CSMD1: variants seen among roughly 807,000 people sequenced by gnomAD.
The protein encoded by CSMD1 is CUB and sushi domain-containing protein 1.
A neutral mutation model predicts 417.5 loss-of-function variants in CSMD1; 213 were observed. The ratio of observed to expected loss-of-function variants is 0.51; its 90% CI spans 0.46 to 0.57. The LOEUF (loss-of-function observed/expected upper bound fraction) is 0.57. Ranked by LOEUF, CSMD1 falls within the 20% of genes least tolerant of loss-of-function variation. The pLI is 0.00. For synonymous variants in CSMD1, 2,862 were observed against 1,736.8 expected (o/e 1.65, Z -16.11); for missense variants, 6,923 against 4,529.7 (o/e 1.53, Z -15.17).
At chr8:3,037,123 C>T (rs895988845) in intron 50 of CSMD1, among the ~76,000 whole-genome samples, 4 of 152,212 alleles carry the variant, frequency 2.6e-5, no homozygotes, top group African/African-American at 9.6e-5. Flanking sequence ...TGGCCTCCAG[C>T]TCCATCCAAG....
At chr8:4,510,240 A>C (rs888343818) in intron 2 of CSMD1, among the ~76,000 whole-genome samples, 9 of 151,976 alleles carry the variant, frequency 5.9e-5, no homozygotes, top group Admixed American at 3.3e-4. Flanking sequence ...TGAGTCAATT[A>C]AACCTCTTTC....
At chr8:4,246,416 G>C (rs1802712298) in intron 3 of CSMD1, among the ~76,000 whole-genome samples, 1 of 152,140 alleles carries the variant, frequency 6.6e-6, no homozygotes. Flanking sequence ...TTCTTAATAA[G>C]TTGTAGAGAA....
intron 7 of CSMD1, among the ~76,000 whole-genome samples, chr8:3,625,832 A>G (rs1019846932): frequency 2.6e-5 from 4 of 152,088 alleles, no homozygotes; most frequent in Non-Finnish European, 5.9e-5. Context: ...TTATTTTTCT[A>G]TCAGAGGGAA....
intron 7 of CSMD1, among the ~76,000 whole-genome samples, chr8:3,640,555 T>G (rs1292821409): frequency 1.3e-5 from 2 of 152,228 alleles, no homozygotes; most frequent in East Asian, 3.8e-4. Flanking sequence ...TTTTTTCCAC[T>G]GGATTGGACA....
At chr8:3,860,305 A>G (rs1338503441) in intron 5 of CSMD1, among the ~76,000 whole-genome samples, 5 of 152,180 alleles carry the variant, frequency 3.3e-5, no homozygotes, top group Non-Finnish European at 7.3e-5. Flanking sequence ...CCATAAAAAC[A>G]AAGATCTTTT....
At chr8:3,645,395 G>T (rs2469410) in intron 7 of CSMD1, among the ~76,000 whole-genome samples, 134,484 of 152,272 alleles carry the variant, frequency 0.88, 59,817 homozygotes, top group African/African-American at 0.97. Context: ...GTTGAAGCTC[G>T]GCTTCGGGTG....
chr8:3,310,846 G>A (rs1162656741), intron 23 of CSMD1, among the ~76,000 whole-genome samples: 3 of 151,366 alleles, frequency 2.0e-5, no homozygotes, highest in Non-Finnish European at 3.0e-5. Flanking sequence ...AATGTGACCC[G>A]AACTTCTCGT....
intron 14 of CSMD1, among the ~76,000 whole-genome samples, chr8:3,407,690 G>C (rs12546181): frequency 0.012 from 1,861 of 152,286 alleles, 48 homozygotes; most frequent in East Asian, 0.094. Flanking sequence ...CTTAGTTTAG[G>C]AGTGATGAAG....
chr8:4,874,249 A>C (rs565961488), intron 1 of CSMD1, among the ~76,000 whole-genome samples: 3 of 152,116 alleles, frequency 2.0e-5, no homozygotes, highest in Admixed American at 1.3e-4. Context: ...GTTTTCATCA[A>C]ATTACGTGGG....
intron 38 of CSMD1, among the ~76,000 whole-genome samples, chr8:3,160,413 G>A (rs544843350): frequency 1.3e-5 from 2 of 152,312 alleles, no homozygotes; most frequent in South Asian, 4.1e-4. Flanking sequence ...GTGAGCCACT[G>A]CAACCGGCCT....
At chr8:3,199,253 C>G (rs182865044) in intron 33 of CSMD1, among the ~76,000 whole-genome samples, 84 of 152,028 alleles carry the variant, frequency 5.5e-4, no homozygotes, top group African/African-American at 1.8e-3. Flanking sequence ...GAGATGCATG[C>G]GTGATATTTT....
chr8:4,078,481 G>C (rs986994988), intron 3 of CSMD1, among the ~76,000 whole-genome samples: 1 of 151,664 alleles, frequency 6.6e-6, no homozygotes, highest in African/African-American at 2.4e-5. Flanking sequence ...AGCCAGGATG[G>C]TCTCGATCTC....
chr8:2,996,535 G>A (rs1455948480), intron 54 of CSMD1, among the ~76,000 whole-genome samples: 1 of 152,226 alleles, frequency 6.6e-6, no homozygotes, highest in Non-Finnish European at 1.5e-5. Context: ...AGTAAACTCA[G>A]CTCTGCTCCG....
At chr8:4,691,255 T>G (rs1346434899) in intron 1 of CSMD1, among the ~76,000 whole-genome samples, 10 of 152,142 alleles carry the variant, frequency 6.6e-5, no homozygotes, top group Non-Finnish European at 1.5e-4. Flanking sequence ...AGCCAACCTG[T>G]CAGCAGAATG....
chr8:3,536,487 G>C (rs547251156), intron 10 of CSMD1, among the ~76,000 whole-genome samples: 2 of 152,136 alleles, frequency 1.3e-5, no homozygotes, highest in African/African-American at 2.4e-5. Context: ...TTGATTAATG[G>C]GGATTATGTT....
At chr8:4,348,139 G>C (rs1428366683) in intron 3 of CSMD1, among the ~76,000 whole-genome samples, 1 of 152,182 alleles carries the variant, frequency 6.6e-6, no homozygotes, top group East Asian at 1.9e-4. Flanking sequence ...AAAGAGAGAA[G>C]ACCTTTTCGG....
intron 1 of CSMD1, among the ~76,000 whole-genome samples, chr8:4,879,072 T>C (rs914227422): frequency 6.6e-6 from 1 of 151,976 alleles, no homozygotes; most frequent in African/African-American, 2.4e-5. Context: ...CTTGATATTG[T>C]AGACACTAAG....
At chr8:4,752,195 C>G (rs1343957922) in intron 1 of CSMD1, among the ~76,000 whole-genome samples, 1 of 152,046 alleles carries the variant, frequency 6.6e-6, no homozygotes, top group South Asian at 2.1e-4. Context: ...AAAAAAATCA[C>G]TTCATCATAA....
intron 7 of CSMD1, among the ~76,000 whole-genome samples, chr8:3,672,903 T>C (rs766165575): frequency 2.0e-5 from 3 of 152,218 alleles, no homozygotes; most frequent in African/African-American, 7.2e-5. Flanking sequence ...GGTTTTTCTA[T>C]CTTAAAAAGC....
Sources: gnomAD v4.1 joint callset for allele counts (sites outside exome capture counted in the v4.1 genomes callset) on GRCh38, gnomAD v4.1.1 for gene constraint, MANE v1.5 for transcripts, NCBI Gene and HGNC (gene_info 2026-07-23, HGNC 2026-07-21) for gene names.